The following BCKDHB variants were observed in gnomAD, a reference collection of about 807,000 sequenced individuals.
BCKDHB encodes the protein branched chain keto acid dehydrogenase E1 subunit beta, also known as 2-oxoisovalerate dehydrogenase subunit beta, mitochondrial.
A neutral mutation model predicts 48.5 loss-of-function variants in BCKDHB; 41 were observed. The ratio of observed to expected loss-of-function variants is 0.85; its 90% confidence interval spans 0.66 to 1.10. The LOEUF is 1.10. Ranked by LOEUF, BCKDHB falls within the 50% of genes least tolerant of loss-of-function variation. The probability of loss-of-function intolerance (pLI) is 0.00; values close to 1 mark genes in which losing one functional copy is unlikely to be tolerated. For missense variants in BCKDHB, 496 were observed against 494.2 expected, an observed-to-expected ratio of 1.00 and a Z score of -0.03; for synonymous variants, 201 against 174.8, an observed-to-expected ratio of 1.15 and a Z score of -1.18.
the BCKDHB span, among the ~76,000 whole-genome samples, chr6:80,439,510 T>C: frequency 6.6e-6 from 1 of 152,222 alleles, no homozygotes; most frequent in African/African-American, 2.4e-5. Flanking sequence ...TTTCTTCTTA[T>C]CTGTGGAAAT....
chr6:80,301,914 C>G (rs1465968961), intron 9 of BCKDHB, among the ~76,000 whole-genome samples: 1 of 152,014 alleles, frequency 6.6e-6, no homozygotes, highest in South Asian at 2.1e-4. Context: ...TACTGATTAC[C>G]TCAGTAGATG....
the BCKDHB span, among the ~76,000 whole-genome samples, chr6:80,393,480 A>T: frequency 6.6e-6 from 1 of 152,074 alleles, no homozygotes; most frequent in African/African-American, 2.4e-5. Flanking sequence ...ATACAGCAAG[A>T]AGATACCATT....
chr6:80,436,237 C>A, the BCKDHB span, among the ~76,000 whole-genome samples: 1 of 134,020 alleles, frequency 7.5e-6, no homozygotes, highest in Non-Finnish European at 1.5e-5. Flanking sequence ...TGGCTCACTG[C>A]AAGCTCTGCC....
chr6:80,409,015 T>C, the BCKDHB span, among the ~76,000 whole-genome samples: 1 of 152,206 alleles, frequency 6.6e-6, no homozygotes, highest in Non-Finnish European at 1.5e-5. Context: ...CATTTAGTGC[T>C]ATAAATTTCC....
intron 8 of BCKDHB, among the ~76,000 whole-genome samples, chr6:80,216,532 T>G (rs565102015): frequency 2.0e-5 from 3 of 152,356 alleles, no homozygotes; most frequent in Admixed American, 2.0e-4. Context: ...TCCCACCTGA[T>G]GTGTTTTTGG....
At chr6:80,446,062 A>C in the BCKDHB span, among the ~76,000 whole-genome samples, 2 of 152,208 alleles carry the variant, frequency 1.3e-5, no homozygotes, top group South Asian at 4.1e-4. Context: ...TGTTTGGAAA[A>C]ATGGATTATG....
chr6:80,156,828 T>G (rs1772065964), intron 3 of BCKDHB, among the ~76,000 whole-genome samples: 1 of 152,198 alleles, frequency 6.6e-6, no homozygotes, highest in Non-Finnish European at 1.5e-5. Flanking sequence ...TTGTTGGTGT[T>G]GACATTTCAG....
At chr6:80,234,288 C>T (rs900243599) in intron 8 of BCKDHB, among the ~76,000 whole-genome samples, 2 of 152,224 alleles carry the variant, frequency 1.3e-5, no homozygotes, top group Admixed American at 6.5e-5. Context: ...ATGAAGAAAC[C>T]AAGAAAATAG....
chr6:80,406,068 G>A, the BCKDHB span, among the ~76,000 whole-genome samples: 3,862 of 151,990 alleles, frequency 0.025, 172 homozygotes, highest in African/African-American at 0.087. Flanking sequence ...GAATGAGAAC[G>A]TGCAGTGTTT....
chr6:80,235,214 A>T (rs947706408), intron 8 of BCKDHB, among the ~76,000 whole-genome samples: 4 of 152,194 alleles, frequency 2.6e-5, no homozygotes, highest in African/African-American at 9.7e-5. Flanking sequence ...TGTCCCAGTT[A>T]CCCTGATTTG....
intron 9 of BCKDHB, among the ~76,000 whole-genome samples, chr6:80,310,471 A>G (rs1482559153): frequency 6.6e-6 from 1 of 152,202 alleles, no homozygotes; most frequent in East Asian, 1.9e-4. Flanking sequence ...CATGGTTTAT[A>G]TGTACCACAT....
chr6:80,371,236 A>G, the BCKDHB span, among the ~76,000 whole-genome samples: 1 of 152,138 alleles, frequency 6.6e-6, no homozygotes, highest in Non-Finnish European at 1.5e-5. Flanking sequence ...TTACCTGATC[A>G]TTAGTGAGGT....
chr6:80,396,527 T>A, the BCKDHB span, among the ~76,000 whole-genome samples: 1 of 151,880 alleles, frequency 6.6e-6, no homozygotes. Flanking sequence ...AAAATGAGAT[T>A]TGGGAGGGAT....
At chr6:80,158,590 A>G (rs926128615) in intron 3 of BCKDHB, among the ~76,000 whole-genome samples, 6 of 152,224 alleles carry the variant, frequency 3.9e-5, no homozygotes, top group Non-Finnish European at 5.9e-5. Flanking sequence ...TGCAAGACCA[A>G]TGACAGCCTT....
chr6:80,272,464 A>G (rs549064873), intron 8 of BCKDHB, among the ~76,000 whole-genome samples: 1 of 152,294 alleles, frequency 6.6e-6, no homozygotes, highest in South Asian at 2.1e-4. Context: ...TCCTGCTATG[A>G]TATCATTGCT....
the BCKDHB span, among the ~76,000 whole-genome samples, chr6:80,382,439 C>G: frequency 7.2e-5 from 11 of 152,122 alleles, no homozygotes; most frequent in Non-Finnish European, 1.6e-4. Context: ...TCATTATTAA[C>G]ATCTAATTTA....
chr6:80,183,422 C>T (rs984476660), intron 6 of BCKDHB, among the ~76,000 whole-genome samples: 4 of 151,958 alleles, frequency 2.6e-5, no homozygotes, highest in East Asian at 3.8e-4. Flanking sequence ...CAGAATTTGC[C>T]GTTTTTTAAT....
At chr6:80,257,514 T>C (rs1777104880) in intron 8 of BCKDHB, among the ~76,000 whole-genome samples, 1 of 151,660 alleles carries the variant, frequency 6.6e-6, no homozygotes, top group East Asian at 1.9e-4. Context: ...ATACATATTA[T>C]GTGTTAGGCT....
Position 80,345,469 on chromosome 6 carries a change from A to G in BCKDHB, c.*1665A>G, listed in dbSNP as rs1268076074. On this transcript the variant is annotated 3_prime_UTR_variant, in exon 10 of 10. Transcript: ENST00000320393. ...CGCCTTTACATTTGTGCGGATAGAGAAGTTAACTCTCCCTCATATGTCACT... is the reference window on the plus strand; with the variant it reads ...CGCCTTTACATTTGTGCGGATAGAGGAGTTAACTCTCCCTCATATGTCACT... 6.6e-6 allele frequency: 1 copy of G among 152,170 alleles called. No individual in the cohort carries two copies. Among genetic ancestry groups the G allele is most frequent in the Admixed American group, 6.5e-5 (1 of 15,288 alleles). The allele number at this position is 152,170 out of a possible 1,614,324, so 9.4% of individuals were successfully genotyped here. A position where few individuals can be genotyped will look rare whatever the true frequency, so the allele number is the denominator to read the frequency against.
Sources: gnomAD v4.1 joint callset for allele counts (sites outside exome capture counted in the v4.1 genomes callset) on GRCh38, gnomAD v4.1.1 for gene constraint, MANE v1.5 for transcripts, NCBI Gene and HGNC (gene_info 2026-07-23, HGNC 2026-07-21) for gene names.